LNX2: variants seen among roughly 807,000 people sequenced by gnomAD.
LNX2 encodes the protein ligand of Numb protein X 2.
A neutral mutation model predicts 66.2 loss-of-function variants in LNX2; 35 were observed. That is an observed-to-expected ratio of 0.53 (90% CI 0.40 to 0.70). The LOEUF is 0.70. Among genes scored for constraint, LNX2 ranks in the 30% least tolerant of loss-of-function variants. The pLI, the probability that LNX2 is intolerant of heterozygous loss-of-function variation, is 0.00. For synonymous variants in LNX2, 337 were observed against 315.6 expected, an observed-to-expected ratio of 1.07 and a Z score of -0.72; for missense variants, 791 against 850.8, an observed-to-expected ratio of 0.93 and a Z score of 0.87.
chr13:27,579,515 T>C (rs61144449), intron 2 of LNX2, among the ~76,000 whole-genome samples: 3,385 of 152,224 alleles, frequency 0.022, 133 homozygotes, highest in African/African-American at 0.077. Flanking sequence ...AACATGTAAA[T>C]GAAAAGGCAG....
At chr13:27,575,445 C>A (rs1955332038) in intron 2 of LNX2, among the ~76,000 whole-genome samples, 1 of 152,154 alleles carries the variant, frequency 6.6e-6, no homozygotes, top group African/African-American at 2.4e-5. Flanking sequence ...AGATTGCCCT[C>A]CCCAATGTGG....
intron 2 of LNX2, among the ~76,000 whole-genome samples, chr13:27,580,686 A>G (rs907213513): frequency 6.6e-6 from 1 of 152,202 alleles, no homozygotes; most frequent in Non-Finnish European, 1.5e-5. Flanking sequence ...ATTCTTGTTC[A>G]GTCTAGTCCC....
intron 1 of LNX2, among the ~76,000 whole-genome samples, chr13:27,610,749 A>G (rs561804725): frequency 1.1e-3 from 173 of 152,340 alleles, no homozygotes; most frequent in Non-Finnish European, 1.8e-3. Flanking sequence ...AATATCCAGA[A>G]TATGTGAGGT....
chr13:27,567,488 C>A, intron 4 of LNX2, 152 bp downstream of exon 4: 1 of 662,636 alleles, frequency 1.5e-6, no homozygotes, highest in Non-Finnish European at 2.6e-6. Flanking sequence ...GAAAATACCA[C>A]AAATTACACA....
intron 3 of LNX2, among the ~76,000 whole-genome samples, chr13:27,568,205 T>C (rs936265364): frequency 1.3e-5 from 2 of 152,196 alleles, no homozygotes; most frequent in Non-Finnish European, 1.5e-5. Context: ...ACTAGCTCTG[T>C]GGCATAGAAA....
chr13:27,595,649 A>T (rs1955589225), intron 1 of LNX2, among the ~76,000 whole-genome samples: 2 of 152,170 alleles, frequency 1.3e-5, no homozygotes, highest in South Asian at 4.1e-4. Context: ...AATAACTAAG[A>T]TTCTATCATA....
At chr13:27,583,170 G>GTGTGTGTGTATGTGTA (rs1955422771) in intron 1 of LNX2, among the ~76,000 whole-genome samples, 1 of 1,264 alleles carries the variant, frequency 7.9e-4, no homozygotes, top group Non-Finnish European at 1.7e-3. Flanking sequence ...CAGAGCAGCA[G>GTGTGTGTGTATGTGTA]TGTGTGTGTG....
At chr13:27,550,798 T>C (rs1411910542) in intron 8 of LNX2, among the ~76,000 whole-genome samples, 3 of 152,152 alleles carry the variant, frequency 2.0e-5, no homozygotes, top group African/African-American at 2.4e-5. Flanking sequence ...GTCATGTACC[T>C]ATATCAGCTC....
intron 4 of LNX2, 54 bp downstream of exon 4, chr13:27,567,582 TTAAG>T: frequency 6.9e-7 from 1 of 1,449,112 alleles, no homozygotes; most frequent in South Asian, 1.2e-5. Flanking sequence ...TTTCTAAGGT[TTAAG>T]TGTTAAGAAT....
At chr13:27,580,361 C>T (rs1272888205) in intron 2 of LNX2, among the ~76,000 whole-genome samples, 1 of 152,056 alleles carries the variant, frequency 6.6e-6, no homozygotes, top group Non-Finnish European at 1.5e-5. Flanking sequence ...AATAGCAAGC[C>T]ATTCTATATC....
chr13:27,560,565 GTATATA>G (rs71083675), intron 5 of LNX2, among the ~76,000 whole-genome samples: 9 of 120,010 alleles, frequency 7.5e-5, no homozygotes, highest in African/African-American at 1.3e-4. Flanking sequence ...ATGTATGTGT[GTATATA>G]TATATATATA....
At chr13:27,560,108 A>T in intron 5 of LNX2, 123 bp from the exon 6 acceptor site, 1 of 715,760 alleles carries the variant, frequency 1.4e-6, no homozygotes, top group Admixed American at 3.5e-5. Context: ...CTGGACAGTG[A>T]CTGCAAGCAC....
chr13:27,595,609 TTCC>T (rs1451761641), intron 1 of LNX2, among the ~76,000 whole-genome samples: 1 of 152,228 alleles, frequency 6.6e-6, no homozygotes, highest in Non-Finnish European at 1.5e-5. Flanking sequence ...CTAATTTCAC[TTCC>T]TCATCACAAA....
intron 1 of LNX2, among the ~76,000 whole-genome samples, chr13:27,620,018 C>T (rs1344458632): frequency 6.6e-6 from 1 of 152,146 alleles, no homozygotes; most frequent in Non-Finnish European, 1.5e-5. Context: ...AAACACTCAC[C>T]CCACCTCTCC....
In LNX2 at chr13:27,547,557, C is replaced by A. The variant is rs117822679; in HGVS notation, c.*778G>T. 4,065 of 152,136 alleles carry A rather than the reference C, an allele frequency of 0.027. 80 individuals carry two copies. Among genetic ancestry groups the A allele is most frequent in the Middle Eastern group, 0.048 (14 of 294 alleles). 9.4% of individuals were successfully genotyped at this position (152,136 alleles called of 1,614,324 possible). A position where few individuals can be genotyped will look rare whatever the true frequency, so the allele number is the denominator to read the frequency against. On this transcript the variant is annotated 3_prime_UTR_variant, in exon 10 of 10. Transcript: ENST00000316334. ...AGTATGAAGTTTTGAAATGTTGGCA[C>A]CAATAAAAAATGGGAACGGCCGGGT...
At chr13:27,557,234 C>A (rs1354873442) in intron 6 of LNX2, among the ~76,000 whole-genome samples, 1 of 152,000 alleles carries the variant, frequency 6.6e-6, no homozygotes, top group Admixed American at 6.6e-5. Context: ...TTTCATTTAA[C>A]CTTCACAAAA....
intron 1 of LNX2, among the ~76,000 whole-genome samples, chr13:27,592,433 A>G (rs1358179644): frequency 1.3e-5 from 2 of 152,208 alleles, no homozygotes; most frequent in Non-Finnish European, 2.9e-5. Flanking sequence ...TGAGATGCAC[A>G]AGTCTGTAAG....
intron 1 of LNX2, among the ~76,000 whole-genome samples, chr13:27,616,941 G>C (rs1486053978): frequency 6.6e-6 from 1 of 152,172 alleles, no homozygotes; most frequent in Admixed American, 6.5e-5. Flanking sequence ...AGTAGAGACA[G>C]GGTTTCACTG....
intron 1 of LNX2, among the ~76,000 whole-genome samples, chr13:27,612,128 C>A (rs1955780081): frequency 6.6e-6 from 1 of 152,178 alleles, no homozygotes; most frequent in African/African-American, 2.4e-5. Context: ...TCATTTCCTC[C>A]ATGAAATAAC....
Sources: allele counts gnomAD v4.1 joint callset (sites outside exome capture counted in the v4.1 genomes callset), GRCh38; gene constraint gnomAD v4.1.1; transcripts MANE v1.5; gene names NCBI Gene and HGNC (gene_info 2026-07-23, HGNC 2026-07-21).